VRK3: variants seen among roughly 807,000 people sequenced by gnomAD.
VRK3 encodes VRK serine/threonine kinase 3.
A neutral mutation model predicts 60.4 loss-of-function variants in VRK3; 50 were observed. That is an observed-to-expected ratio of 0.83 (90% CI 0.66 to 1.05). The LOEUF (loss-of-function observed/expected upper bound fraction) is 1.05, where lower values mean the gene tolerates loss of function less well. Ranked by LOEUF, VRK3 falls within the 50% of genes least tolerant of loss-of-function variation. The pLI is 0.00. For synonymous variants in VRK3, 246 were observed against 227.8 expected (o/e 1.08, Z -0.72); for missense variants, 549 against 585.3 (o/e 0.94, Z 0.64).
intron 2 of VRK3, chr19:50,019,096 C>T (rs1458108535): frequency 7.5e-6 from 1 of 134,126 alleles, no homozygotes; most frequent in Admixed American, 8.3e-5. Context: ...ACCCGGGAGG[C>T]GGAGCTTGCA....
intron 10 of VRK3, among the ~76,000 whole-genome samples, chr19:49,992,042 C>T (rs1470323837): frequency 6.6e-6 from 1 of 152,230 alleles, no homozygotes; most frequent in Admixed American, 6.5e-5. Flanking sequence ...ATCTTGTACA[C>T]TTATCTTTGA....
chr19:50,012,768 C>T (rs569432638), intron 3 of VRK3, among the ~76,000 whole-genome samples: 28 of 152,040 alleles, frequency 1.8e-4, no homozygotes, highest in African/African-American at 6.0e-4. Context: ...CCAGCTACTA[C>T]GGAGGCTGAG....
chr19:49,981,076 G>T, intron 12 of VRK3, 63 bp from the exon 13 acceptor site: 1 of 1,446,840 alleles, frequency 6.9e-7, no homozygotes, highest in South Asian at 1.2e-5. Flanking sequence ...TTTTAAAACA[G>T]AATGCCTAAG....
At chr19:50,017,150 T>C (rs1035445465) in intron 2 of VRK3, among the ~76,000 whole-genome samples, 5 of 151,264 alleles carry the variant, frequency 3.3e-5, no homozygotes, top group Non-Finnish European at 5.9e-5. Context: ...ACCAAGATCA[T>C]GCCATTGCAC....
At chr19:49,997,301 C>T (rs1304633739) in intron 7 of VRK3, 1 of 508,206 alleles carries the variant, frequency 2.0e-6, no homozygotes, top group African/African-American at 2.0e-5. Flanking sequence ...TAATACTTGG[C>T]TTCCAAGAGC....
intron 12 of VRK3, among the ~76,000 whole-genome samples, chr19:49,983,424 C>T (rs2076457863): frequency 6.6e-6 from 1 of 152,222 alleles, no homozygotes. Context: ...CCTCCTGGGC[C>T]TGTGCGTAGG....
intron 5 of VRK3, chr19:50,001,208 C>T (rs2076800243): frequency 4.9e-6 from 1 of 203,796 alleles, no homozygotes; most frequent in Admixed American, 5.5e-5. Flanking sequence ...GCAACACCTG[C>T]TTTCCTCTGG....
At chr19:50,009,125 C>T (rs909043560) in intron 4 of VRK3, 111 bp downstream of exon 4, 3 of 1,296,262 alleles carry the variant, frequency 2.3e-6, no homozygotes, top group Middle Eastern at 2.0e-4. Context: ...AGAGTCCAGG[C>T]AGGGATGGAT....
chr19:50,003,871 C>T (rs191327834), intron 5 of VRK3, among the ~76,000 whole-genome samples: 23 of 152,330 alleles, frequency 1.5e-4, no homozygotes, highest in African/African-American at 3.6e-4. Flanking sequence ...GTGCTGGCAC[C>T]GCGGCCAGAC....
At chr19:50,018,191 G>A (rs951381815) in intron 2 of VRK3, among the ~76,000 whole-genome samples, 6 of 152,190 alleles carry the variant, frequency 3.9e-5, no homozygotes, top group African/African-American at 1.2e-4. Context: ...GGTCGATGAG[G>A]TCTAAATGAA....
chr19:50,009,636 A>G (rs994693786), intron 3 of VRK3, among the ~76,000 whole-genome samples: 1 of 151,818 alleles, frequency 6.6e-6, no homozygotes, highest in Non-Finnish European at 1.5e-5. Flanking sequence ...TAATGTCTTT[A>G]TATGTATGTA....
chr19:49,994,719 TG>T lies in VRK3; in HGVS notation c.870+94del, dbSNP rs57668237. On this transcript the variant is annotated intron_variant, in intron 9 of 14. Coordinates refer to ENST00000316763, the MANE Select transcript of VRK3 (RefSeq NM_016440.4). ...GCCCCCAGTGTGCAGCGGAGGGGGGTGGGGGCCGGAAGTGTCAATGACTAAA... is the reference window on the plus strand; with the variant it reads ...GCCCCCAGTGTGCAGCGGAGGGGGGTGGGGCCGGAAGTGTCAATGACTAAA... 0.012 allele frequency: 12,802 copies of T among 1,083,972 alleles called. 1,051 individuals carry two copies. The African/African-American group carries it at 0.18, about 15-fold the overall frequency. The allele number at this position is 1,083,972 out of a possible 1,614,324, so 67.1% of individuals were successfully genotyped here.
chr19:49,994,677 T>G (rs2122149786), intron 9 of VRK3, 137 bp downstream of exon 9: 1 of 772,674 alleles, frequency 1.3e-6, no homozygotes, highest in East Asian at 2.7e-5. Flanking sequence ...CCGCCTGCCA[T>G]GGCAGTCAGT....
intron 3 of VRK3, among the ~76,000 whole-genome samples, chr19:50,013,013 A>C (rs1449976259): frequency 1.3e-5 from 2 of 151,840 alleles, no homozygotes; most frequent in African/African-American, 4.8e-5. Flanking sequence ...TAAAAATACA[A>C]AAAAATAGCT....
chr19:49,997,964 C>T (rs1426348800), intron 6 of VRK3: 1 of 157,110 alleles, frequency 6.4e-6, no homozygotes, highest in Non-Finnish European at 1.4e-5. Context: ...CTTTCCTCTT[C>T]TGTTCCAGCT....
chr19:49,987,405 T>G (rs180909116), intron 12 of VRK3, among the ~76,000 whole-genome samples: 73 of 152,090 alleles, frequency 4.8e-4, no homozygotes, highest in African/African-American at 1.6e-3. Context: ...CTGCTGTCCC[T>G]AGTGCTGAAC....
At chr19:50,018,797 C>G (rs1429838575) in intron 2 of VRK3, among the ~76,000 whole-genome samples, 1 of 151,806 alleles carries the variant, frequency 6.6e-6, no homozygotes, top group Non-Finnish European at 1.5e-5. Context: ...GGTGTTGACA[C>G]TGGTGTCACA....
intron 7 of VRK3, 168 bp downstream of exon 7, chr19:49,997,336 A>G: frequency 1.5e-6 from 1 of 650,344 alleles, no homozygotes; most frequent in Non-Finnish European, 2.6e-6. Flanking sequence ...CACAACACAC[A>G]CTGAGGCCTG....
chr19:49,976,846 C>T (rs2076338564), intron 14 of VRK3, 62 bp from the exon 15 acceptor site: 1 of 152,202 alleles, frequency 6.6e-6, no homozygotes, highest in Non-Finnish European at 1.5e-5. Flanking sequence ...TCTATGCCTT[C>T]ACTTCATGCC....
Sources: allele counts gnomAD v4.1 joint callset (sites outside exome capture counted in the v4.1 genomes callset), GRCh38; gene constraint gnomAD v4.1.1; transcripts MANE v1.5; gene names NCBI Gene and HGNC (gene_info 2026-07-23, HGNC 2026-07-21).